PAICS: variants seen among roughly 807,000 people sequenced by gnomAD.
The protein encoded by PAICS is phosphoribosylaminoimidazole carboxylase and phosphoribosylaminoimidazolesuccinocarboxamide synthase.
Under a neutral mutation model 53.7 loss-of-function variants are expected in PAICS, and 33 were observed. The observed-to-expected ratio is 0.61, with a 90% confidence interval of 0.47 to 0.82. The LOEUF (loss-of-function observed/expected upper bound fraction) is 0.82, where lower values mean the gene tolerates loss of function less well. PAICS is among the 40% of genes least tolerant of loss of function. The pLI, the probability that PAICS is intolerant of heterozygous loss-of-function variation, is 0.00. For missense variants in PAICS, 394 were observed against 494.1 expected, an observed-to-expected ratio of 0.80 and a Z score of 1.92; for synonymous variants, 141 against 167.2, an observed-to-expected ratio of 0.84 and a Z score of 1.21.
At chr4:56,438,417 G>T (rs7658340) in intron 1 of PAICS, among the ~76,000 whole-genome samples, 20,012 of 109,498 alleles carry the variant, frequency 0.18, 1,932 homozygotes, top group East Asian at 0.32. Flanking sequence ...GGTTTTTTTT[G>T]TTGTTGTTTT....
At chr4:56,422,049 T>A in the PAICS span, 5 of 152,218 alleles carry the variant, frequency 3.3e-5, no homozygotes, top group African/African-American at 9.7e-5. Context: ...GGTGGGTGGA[T>A]CACTTGAGGC....
upstream of PAICS, chr4:56,435,516 G>C (rs1018678364): frequency 6.2e-7 from 1 of 1,612,310 alleles, no homozygotes; most frequent in South Asian, 1.1e-5. Context: ...TGCCGCTGCG[G>C]CCAAGGTGTA....
chr4:56,436,125 A>AT, upstream of PAICS: 1 of 1,476,506 alleles, frequency 6.8e-7, no homozygotes, highest in Non-Finnish European at 9.0e-7. Flanking sequence ...GTTTCGTCCG[A>AT]TATCCGCGTT....
chr4:56,435,608 C>G, upstream of PAICS: 1 of 1,516,986 alleles, frequency 6.6e-7, no homozygotes, highest in Non-Finnish European at 8.9e-7. Flanking sequence ...AGGGTGGCCC[C>G]AGCTACTGCG....
chr4:56,431,365 ATC>A, upstream of PAICS: 1 of 752,790 alleles, frequency 1.3e-6, no homozygotes, highest in Non-Finnish European at 1.6e-6. Context: ...GACTGAGTGC[ATC>A]TCTCATTCTC....
upstream of PAICS, among the ~76,000 whole-genome samples, chr4:56,430,778 CAATATAT>C (rs916161467): frequency 2.6e-5 from 4 of 151,204 alleles, no homozygotes; most frequent in African/African-American, 9.7e-5. Flanking sequence ...TTAGACCTTA[CAATATAT>C]AAGTCTAGGC....
chr4:56,445,555 C>T (rs1718571702), intron 2 of PAICS, among the ~76,000 whole-genome samples: 1 of 152,126 alleles, frequency 6.6e-6, no homozygotes, highest in African/African-American at 2.4e-5. Flanking sequence ...CCACTGCACT[C>T]CAGCCTGTGT....
rs1718652439 is a variant in PAICS, at chr4:56,446,944, A to C, written c.393+71A>C. On this transcript the variant is annotated intron_variant, in intron 3 of 8. Transcript: ENST00000512576. ...ATAAATTTATAATTAGAAACTCTAA[A>C]GGTTTAAATATTCAAGCAAAGTTTT... 5.2e-6 allele frequency: 5 copies of C among 956,644 alleles called. No individual in the cohort carries two copies. The East Asian group carries it at 1.4e-4, about 27-fold the overall frequency. 59.3% of individuals were successfully genotyped at this position (956,644 alleles called of 1,614,324 possible). A position where few individuals can be genotyped will look rare whatever the true frequency, so the allele number is the denominator to read the frequency against.
chr4:56,448,841 T>C lies in PAICS; in HGVS notation c.687+18T>C. On this transcript the variant is annotated intron_variant, in intron 5 of 8. Coordinates refer to ENST00000512576, the MANE Select transcript of PAICS (RefSeq NM_001079524.2). The stretch of plus-strand genomic sequence containing the variant: ...ACAAACAGGTAGATAATGCTTCAGG[T>C]TTTTTTATCCTTTTTGAGATCAAGC... The C allele has an allele frequency of 1.5e-6, 2 of 1,311,648 alleles. No individual in the cohort carries two copies. Among genetic ancestry groups the C allele is most frequent in the Non-Finnish European group, 2.2e-6 (2 of 923,868 alleles). 81.3% of individuals were successfully genotyped at this position (1,311,648 alleles called of 1,614,324 possible).
chr4:56,420,825 G>A, the PAICS span: 2 of 152,116 alleles, frequency 1.3e-5, no homozygotes, highest in African/African-American at 4.8e-5. Context: ...TAAACCAAAG[G>A]ATTGAGATAC....
At chr4:56,410,683 G>C in the PAICS span, 3 of 986,408 alleles carry the variant, frequency 3.0e-6, no homozygotes, top group Admixed American at 6.2e-5. Flanking sequence ...ACAGAGACTG[G>C]AAACAGTGCT....
chr4:56,442,357 T>C (rs1718383771), intron 2 of PAICS, among the ~76,000 whole-genome samples: 1 of 152,184 alleles, frequency 6.6e-6, no homozygotes, highest in South Asian at 2.1e-4. Flanking sequence ...AGTGAGATAT[T>C]TGAACTAAAA....
chr4:56,414,968 T>A, the PAICS span, among the ~76,000 whole-genome samples: 2 of 152,352 alleles, frequency 1.3e-5, no homozygotes, highest in South Asian at 4.1e-4. Flanking sequence ...AACTGTGCCA[T>A]CTGAAAGCAG....
rs756911104 is a variant in PAICS, at chr4:56,457,662, G to GTTT, written c.1112-1691_1112-1689dup. 5.5e-4 allele frequency among the ~76,000 whole-genome samples: 70 copies of GTTT among 127,912 alleles called. No individual in the cohort carries two copies. In the East Asian group the frequency reaches 0.011, roughly 21 times the overall value. 83.9% of individuals were successfully genotyped at this position (127,912 alleles called of 152,430 possible). On this transcript the variant is annotated intron_variant, in intron 8 of 8. Coordinates refer to ENST00000512576, the MANE Select transcript of PAICS (RefSeq NM_001079524.2). ...TTCCCTGCTTTCAGTTTAGAATTAA[G>GTTT]TTTTTTTTTTTTTTTTTTTTTAAAT...
At chr4:56,456,739 AT>A (rs1411930074) in intron 8 of PAICS, among the ~76,000 whole-genome samples, 2 of 124,606 alleles carry the variant, frequency 1.6e-5, no homozygotes, top group African/African-American at 6.2e-5. Context: ...ATGTTTTTAT[AT>A]TTCTTTTGGT....
chr4:56,420,792 C>T, the PAICS span: 1 of 152,144 alleles, frequency 6.6e-6, no homozygotes, highest in Non-Finnish European at 1.5e-5. Flanking sequence ...TGAGACCCAT[C>T]ATAAATGTCT....
At chr4:56,427,424 T>C in the PAICS span, among the ~76,000 whole-genome samples, 1 of 152,322 alleles carries the variant, frequency 6.6e-6, no homozygotes, top group East Asian at 1.9e-4. Context: ...AGGAACTACC[T>C]GTTTTCCACC....
intron 8 of PAICS, 112 bp downstream of exon 8, chr4:56,453,873 A>G: frequency 1.5e-6 from 1 of 645,744 alleles, no homozygotes; most frequent in South Asian, 2.8e-5. Flanking sequence ...AGCTTCAGCA[A>G]TTAACATCTT....
chr4:56,424,851 C>T, the PAICS span, among the ~76,000 whole-genome samples: 6 of 152,132 alleles, frequency 3.9e-5, no homozygotes, highest in African/African-American at 1.2e-4. Flanking sequence ...TATGTATTCC[C>T]GCAAGCCACT....
Sources: allele counts gnomAD v4.1 joint callset (sites outside exome capture counted in the v4.1 genomes callset), GRCh38; gene constraint gnomAD v4.1.1; transcripts MANE v1.5; gene names NCBI Gene and HGNC (gene_info 2026-07-23, HGNC 2026-07-21).